Variants in CFAP20DC observed in about 807,000 individuals in gnomAD.
The protein encoded by CFAP20DC is CFAP20 domain containing, also known as protein CFAP20DC.
Under a neutral mutation model 101.7 loss-of-function variants are expected in CFAP20DC, and 84 were observed. That is an observed-to-expected ratio of 0.83 (90% CI 0.69 to 0.99). The LOEUF (loss-of-function observed/expected upper bound fraction) is 0.99, where lower values mean the gene tolerates loss of function less well. CFAP20DC is among the 50% of genes least tolerant of loss of function. The pLI is 0.00. For missense variants in CFAP20DC, 1,007 were observed against 970.3 expected, an observed-to-expected ratio of 1.04 and a Z score of -0.50; for synonymous variants, 359 against 351.2, an observed-to-expected ratio of 1.02 and a Z score of -0.25.
At chr3:58,871,425 G>A (rs1194598729) in intron 7 of CFAP20DC, among the ~76,000 whole-genome samples, 1 of 152,110 alleles carries the variant, frequency 6.6e-6, no homozygotes, top group African/African-American at 2.4e-5. Context: ...GATAGGGCAG[G>A]TGTGCTCACC....
At chr3:58,959,709 C>A (rs1175800699) in intron 4 of CFAP20DC, among the ~76,000 whole-genome samples, 3 of 152,116 alleles carry the variant, frequency 2.0e-5, no homozygotes, top group Non-Finnish European at 4.4e-5. Flanking sequence ...ATTTTGCCAC[C>A]TTTGTTGTTC....
intron 7 of CFAP20DC, among the ~76,000 whole-genome samples, chr3:58,878,733 TG>T (rs2080969642): frequency 6.6e-6 from 1 of 151,976 alleles, no homozygotes; most frequent in Non-Finnish European, 1.5e-5. Flanking sequence ...ACCTCTGTGC[TG>T]GGCGGGGTGG....
intron 4 of CFAP20DC, among the ~76,000 whole-genome samples, chr3:58,962,750 C>T (rs2091244211): frequency 6.6e-6 from 1 of 152,168 alleles, no homozygotes. Flanking sequence ...CTTGTGTCTC[C>T]TCTGTAACTG....
chr3:58,855,994 AT>A (rs1309375033), intron 12 of CFAP20DC, among the ~76,000 whole-genome samples: 2 of 151,904 alleles, frequency 1.3e-5, no homozygotes, highest in African/African-American at 2.4e-5. Context: ...ATAAAAAAAA[AT>A]AAAAAAAAGA....
rs1349441785 is a variant in CFAP20DC, at chr3:58,788,660, A to G, written c.2237+17735T>C. On this transcript the variant is annotated intron_variant, in intron 15 of 16. Coordinates refer to ENST00000482387, the MANE Select transcript of CFAP20DC (RefSeq NM_001394063.1). This position sits in a 1 kb window ranked among gnomAD's most constrained non-coding sequence, Gnocchi z 4.2. ...TTGACAATCCAATGTGGAACTGTAT[A>G]TTAGACACACATTTAGGGCACTAAT... Among the ~76,000 whole-genome samples, 3 of 152,042 alleles carry G rather than the reference A, an allele frequency of 2.0e-5. No homozygotes were observed. Among genetic ancestry groups the G allele is most frequent in the Non-Finnish European group, 4.4e-5 (3 of 67,988 alleles).
chr3:58,870,250 G>A lies in CFAP20DC; in HGVS notation c.775C>T (p.His259Tyr), dbSNP rs2080039525. Reference sequence around the variant, plus strand: ...AGAACTTTGGATCCAAATGCGATATGACAAACATCTTGATTTTTACTGTTC... The same window carrying A: ...AGAACTTTGGATCCAAATGCGATATAACAAACATCTTGATTTTTACTGTTC... ...TRNSKNQDVCHIAFGSKVLGP... is the reference protein window; with the variant it reads ...TRNSKNQDVCYIAFGSKVLGP... Residue 259 changes from histidine (H) to tyrosine (Y), a missense_variant, in exon 8 of 17, where the codon CAT becomes TAT. His to Tyr is a moderately conservative substitution (Grantham distance 83). Coordinates refer to ENST00000482387, the MANE Select transcript of CFAP20DC (RefSeq NM_001394063.1). 4.3e-6 allele frequency: 7 copies of A among 1,613,888 alleles called. No individual in the cohort carries two copies. The highest frequency in any genetic ancestry group is 5.9e-6 in the Non-Finnish European group (7 of 1,179,796).
At chr3:58,957,791 A>G (rs900482883) in intron 4 of CFAP20DC, among the ~76,000 whole-genome samples, 1 of 152,198 alleles carries the variant, frequency 6.6e-6, no homozygotes, top group Non-Finnish European at 1.5e-5. Context: ...GTGGAATCTG[A>G]AAATCAAAAC....
At chr3:58,818,547 C>T (rs2075372621) in intron 14 of CFAP20DC, among the ~76,000 whole-genome samples, 1 of 149,830 alleles carries the variant, frequency 6.7e-6, no homozygotes, top group South Asian at 2.1e-4. Context: ...ACAAAGAAGG[C>T]CATTACATAA....
intron 12 of CFAP20DC, among the ~76,000 whole-genome samples, chr3:58,855,948 C>T (rs1218354039): frequency 3.4e-5 from 5 of 147,754 alleles, no homozygotes; most frequent in African/African-American, 5.0e-5. Flanking sequence ...AACTAACCTG[C>T]ACAATGTGCA....
At chr3:58,857,267 A>C (rs1338367366) in intron 12 of CFAP20DC, among the ~76,000 whole-genome samples, 1 of 152,234 alleles carries the variant, frequency 6.6e-6, no homozygotes, top group Non-Finnish European at 1.5e-5. Context: ...TTCAGAAAAC[A>C]CCTTAAAATC....
chr3:58,787,020 G>A (rs2072403580), intron 15 of CFAP20DC, among the ~76,000 whole-genome samples: 1 of 151,740 alleles, frequency 6.6e-6, no homozygotes, highest in Admixed American at 6.6e-5. Flanking sequence ...TGTACCCCCT[G>A]TAGATAAGGG....
rs2082756064 is a variant in CFAP20DC at position 58,897,413 on chromosome 3, A to G, written c.551-12704T>C. 6.6e-6 allele frequency among the ~76,000 whole-genome samples: 1 copy of G among 152,176 alleles called. No individual in the cohort carries two copies. On this transcript the variant is annotated intron_variant, in intron 6 of 16. Coordinates refer to ENST00000482387, the MANE Select transcript of CFAP20DC (RefSeq NM_001394063.1). This position sits in a 1 kb window ranked among gnomAD's most constrained non-coding sequence, Gnocchi z 4.4. Reference sequence around the variant, plus strand: ...GTGGGAATTTGATCCTGTCAACATGATAGCTGGTTATTTTGCAGATTTGTT... The same window carrying G: ...GTGGGAATTTGATCCTGTCAACATGGTAGCTGGTTATTTTGCAGATTTGTT...
intron 12 of CFAP20DC, among the ~76,000 whole-genome samples, chr3:58,860,573 C>T (rs918184457): frequency 6.6e-6 from 1 of 152,152 alleles, no homozygotes; most frequent in East Asian, 1.9e-4. Flanking sequence ...TTGCAAATAT[C>T]TGCTTCAATA....
At chr3:58,751,462 C>G (rs989939586) in intron 16 of CFAP20DC, among the ~76,000 whole-genome samples, 1 of 152,094 alleles carries the variant, frequency 6.6e-6, no homozygotes, top group Non-Finnish European at 1.5e-5. Context: ...TAGATCTGGT[C>G]AACTGCGGCT....
At chr3:59,030,893 G>A (rs1233472462) in intron 4 of CFAP20DC, among the ~76,000 whole-genome samples, 2 of 151,932 alleles carry the variant, frequency 1.3e-5, no homozygotes, top group African/African-American at 4.8e-5. Flanking sequence ...GAGCAATCTC[G>A]GCTCACTGCA....
intron 15 of CFAP20DC, among the ~76,000 whole-genome samples, chr3:58,760,949 G>A (rs879545615): frequency 2.6e-5 from 4 of 152,176 alleles, no homozygotes; most frequent in Admixed American, 2.0e-4. Flanking sequence ...GTATTTTATT[G>A]AGGATTTTTG....
intron 15 of CFAP20DC, among the ~76,000 whole-genome samples, chr3:58,757,844 CAACT>C (rs1158322858): frequency 6.6e-6 from 1 of 151,978 alleles, no homozygotes; most frequent in African/African-American, 2.4e-5. Context: ...TTAATCAAAG[CAACT>C]AACTCATTTG....
At chr3:58,823,455 G>A (rs752392632) in intron 14 of CFAP20DC, among the ~76,000 whole-genome samples, 4 of 152,086 alleles carry the variant, frequency 2.6e-5, no homozygotes, top group Non-Finnish European at 5.9e-5. Context: ...TCATAATAGC[G>A]GCGATTGACA....
intron 15 of CFAP20DC, among the ~76,000 whole-genome samples, chr3:58,776,085 C>A (rs1050444037): frequency 6.6e-6 from 1 of 152,114 alleles, no homozygotes; most frequent in Non-Finnish European, 1.5e-5. Context: ...TTCCTAAGGG[C>A]AACTCATTTC....
Sources: allele counts gnomAD v4.1 joint callset (sites outside exome capture counted in the v4.1 genomes callset), GRCh38; gene constraint gnomAD v4.1.1; non-coding constraint Gnocchi (gnomAD v3.1); transcripts MANE v1.5; gene names NCBI Gene and HGNC (gene_info 2026-07-23, HGNC 2026-07-21).